Variants in RANGAP1 observed in about 807,000 individuals in gnomAD.
RANGAP1 encodes ran GTPase-activating protein 1.
RANGAP1 carries 38 observed loss-of-function variants against 63.5 expected under a neutral mutation model. The ratio of observed to expected loss-of-function variants is 0.60; its 90% confidence interval spans 0.46 to 0.78. The LOEUF (loss-of-function observed/expected upper bound fraction) is 0.78. Ranked by LOEUF, RANGAP1 falls within the 30% of genes least tolerant of loss-of-function variation. The pLI is 0.00. For missense variants in RANGAP1, 630 were observed against 740.3 expected (o/e 0.85, Z 1.73); for synonymous variants, 329 against 310.5 (o/e 1.06, Z -0.63).
At chr22:41,261,649 G>A in intron 5 of RANGAP1, 69 bp from the exon 6 acceptor site, 1 of 1,596,866 alleles carries the variant, frequency 6.3e-7, no homozygotes, top group Non-Finnish European at 8.6e-7. Flanking sequence ...GGCCACTGCT[G>A]CTGAACTGCT....
intron 1 of RANGAP1, among the ~76,000 whole-genome samples, chr22:41,283,279 G>C (rs548406162): frequency 2.0e-5 from 3 of 151,904 alleles, no homozygotes; most frequent in African/African-American, 7.3e-5. Context: ...GGGAGACCGA[G>C]GCAGGTGGAT....
chr22:41,246,821 G>C, intron 15 of RANGAP1, 149 bp from the exon 16 acceptor site: 2 of 742,452 alleles, frequency 2.7e-6, no homozygotes, highest in Non-Finnish European at 2.3e-6. Context: ...TGCACACCGT[G>C]GGTGGGGATG....
Position 41,280,741 on chromosome 22 carries a change from A to G in RANGAP1, c.112+192T>C, listed in dbSNP as rs2035449025. 4 of 1,519,176 alleles carry G rather than the reference A, an allele frequency of 2.6e-6. No homozygotes were observed. The South Asian group carries it at 4.8e-5, about 18-fold the overall frequency. 94.1% of individuals were successfully genotyped at this position (1,519,176 alleles called of 1,614,324 possible). On this transcript the variant is annotated intron_variant, in intron 2 of 15. Transcript: ENST00000356244. ...AGGGATGCCCAATACAAACATGGAA[A>G]GTGCAGGGGAGCTTGCTCCTGGGCA...
rs757787346 is a variant in RANGAP1 at position 41,258,078 on chromosome 22, A to AT, written c.643dup (p.Met215AsnfsTer31). 1 of 1,612,362 alleles carries AT rather than the reference A, an allele frequency of 6.2e-7. No individual in the cohort carries two copies. On this transcript the variant is annotated frameshift_variant, in exon 7 of 16. Transcript: ENST00000356244. LOFTEE classifies it high-confidence loss of function. ...AGGGTGGTTGATCCCATTCTGTGGC[A>AT]TGTGGACCTCCTCCAGGGTCCCGAT...
intron 12 of RANGAP1, among the ~76,000 whole-genome samples, chr22:41,252,518 G>A (rs2033530766): frequency 6.6e-6 from 1 of 152,076 alleles, no homozygotes; most frequent in African/African-American, 2.4e-5. Flanking sequence ...ACTTCCAAAG[G>A]AGCCCTGGGC....
intron 2 of RANGAP1, among the ~76,000 whole-genome samples, chr22:41,275,173 T>A (rs1008817298): frequency 6.6e-6 from 1 of 152,124 alleles, no homozygotes; most frequent in Non-Finnish European, 1.5e-5. Context: ...TGATGAAACA[T>A]TCCAAACCAC....
At chr22:41,279,022 A>T (rs796293720) in intron 2 of RANGAP1, among the ~76,000 whole-genome samples, 1 of 152,244 alleles carries the variant, frequency 6.6e-6, no homozygotes. Context: ...GGGCGCCTGT[A>T]GTCCCAGCTA....
intron 12 of RANGAP1, 73 bp from the exon 13 acceptor site, chr22:41,251,182 G>A (rs978816919): frequency 8.1e-7 from 1 of 1,231,866 alleles, no homozygotes; most frequent in Non-Finnish European, 1.2e-6. Flanking sequence ...CGCTAGCTAG[G>A]AGAGGCCTGG....
In RANGAP1 at chr22:41,256,258, C is replaced by A. The variant is rs767814193; in HGVS notation, c.921G>T (p.Arg307Ser). 5.0e-6 allele frequency: 8 copies of A among 1,614,100 alleles called. No individual in the cohort carries two copies. Among genetic ancestry groups the A allele is most frequent in the Non-Finnish European group, 6.8e-6 (8 of 1,180,020 alleles). The change falls in exon 9 of 16, where the codon AGG (arginine) becomes AGT (serine). Residue 307 changes from arginine (R) to serine (S), a missense_variant. Arg to Ser is a moderately radical substitution (Grantham distance 110). Transcript: ENST00000356244. ...CCTCAGCAACAGCCAGGGCAGCATC[C>A]CTCTTGATTTCACAGAATGACAAGT... ...ELNLSFCEIK[R>S]DAALAVAEAM...
chr22:41,278,745 A>C (rs935957003), intron 2 of RANGAP1, among the ~76,000 whole-genome samples: 1 of 152,258 alleles, frequency 6.6e-6, no homozygotes, highest in Non-Finnish European at 1.5e-5. Context: ...TGACGCAAGC[A>C]TCAAAAGTGA....
At chr22:41,293,760 C>CAAAAAAA in the RANGAP1 span, among the ~76,000 whole-genome samples, 2 of 54,852 alleles carry the variant, frequency 3.6e-5, no homozygotes, top group East Asian at 5.8e-4. Flanking sequence ...GACTCTGTCT[C>CAAAAAAA]AAAAAAAAAA....
In RANGAP1 at chr22:41,251,121, A is replaced by C. The variant is rs374927748; in HGVS notation, c.1381-12T>G. On this transcript the variant is annotated splice_polypyrimidine_tract_variant and intron_variant, in intron 12 of 15. Transcript: ENST00000356244. ...TCAGACGTGTCAGTCTGAGGACAAA[A>C]GAGACAATGGTTGGCCTGTGGCACG... 2.0e-3 allele frequency: 3,141 copies of C among 1,610,610 alleles called. 64 individuals are homozygous for C. In the South Asian group the frequency reaches 0.033, roughly 17 times the overall value.
chr22:41,279,842 A>T (rs2035391357), intron 2 of RANGAP1, among the ~76,000 whole-genome samples: 1 of 151,704 alleles, frequency 6.6e-6, no homozygotes, highest in Admixed American at 6.6e-5. Context: ...TCACGCCTGT[A>T]ATCCGAACAC....
At chr22:41,258,149 G>C (rs900177124) in intron 6 of RANGAP1, 43 bp from the exon 7 acceptor site, 3 of 1,553,948 alleles carry the variant, frequency 1.9e-6, no homozygotes, top group African/African-American at 2.7e-5. Context: ...CCGAGTGCCA[G>C]GTGACATCCA....
At chr22:41,248,519 C>T (rs1443939021) in intron 15 of RANGAP1, among the ~76,000 whole-genome samples, 1 of 152,240 alleles carries the variant, frequency 6.6e-6, no homozygotes, top group Non-Finnish European at 1.5e-5. Context: ...CTGGGCTCCC[C>T]CAGCAAAGGG....
chr22:41,259,273 G>A (rs1015611682), intron 6 of RANGAP1, among the ~76,000 whole-genome samples: 3 of 152,138 alleles, frequency 2.0e-5, no homozygotes, highest in Non-Finnish European at 4.4e-5. Flanking sequence ...CAGGTGCTCA[G>A]TGCAGCACAG....
rs1486659331 is a variant in RANGAP1, at chr22:41,245,710, G to A, written c.*893C>T. Reference sequence around the variant, plus strand: ...CATGGGGCAGTCACGGGTGCTCAGGGAGGTCATACAGCATCTGCCCAGTCC... The same window carrying A: ...CATGGGGCAGTCACGGGTGCTCAGGAAGGTCATACAGCATCTGCCCAGTCC... On this transcript the variant is annotated 3_prime_UTR_variant, in exon 16 of 16. Coordinates refer to ENST00000356244, the MANE Select transcript of RANGAP1 (RefSeq NM_002883.4). 1 of 152,416 alleles carries A rather than the reference G, an allele frequency of 6.6e-6. No homozygotes were observed. The highest frequency in any genetic ancestry group is 2.4e-5 in the African/African-American group (1 of 41,438). The allele number at this position is 152,416 out of a possible 1,614,324, so 9.4% of individuals were successfully genotyped here.
chr22:41,258,677 C>T (rs765996269), intron 6 of RANGAP1, among the ~76,000 whole-genome samples: 90 of 151,928 alleles, frequency 5.9e-4, no homozygotes, highest in Non-Finnish European at 1.1e-3. Context: ...TTTTTTGAGA[C>T]GGAGTCTCGT....
At chr22:41,261,684 G>C (rs544686567) in intron 5 of RANGAP1, 104 bp from the exon 6 acceptor site, 6 of 1,448,936 alleles carry the variant, frequency 4.1e-6, no homozygotes, top group Non-Finnish European at 4.7e-6. Flanking sequence ...GCCACCCATC[G>C]GTGCAGGTCA....
Sources: allele counts gnomAD v4.1 joint callset (sites outside exome capture counted in the v4.1 genomes callset), GRCh38; gene constraint gnomAD v4.1.1; transcripts MANE v1.5; gene names NCBI Gene and HGNC (gene_info 2026-07-23, HGNC 2026-07-21).